The following USP45 variants were observed in gnomAD, a reference collection of about 807,000 sequenced individuals.
The protein encoded by USP45 is ubiquitin specific peptidase 45.
A neutral mutation model predicts 95.8 loss-of-function variants in USP45; 89 were observed. The ratio of observed to expected loss-of-function variants is 0.93; its 90% CI spans 0.78 to 1.11. USP45 has a LOEUF of 1.11. Ranked by LOEUF, USP45 falls within the 50% of genes least tolerant of loss-of-function variation. USP45 has a pLI of 0.00. For synonymous variants in USP45, 281 were observed against 316.2 expected (o/e 0.89, Z 1.18); for missense variants, 898 against 942.5 (o/e 0.95, Z 0.62).
At chr6:99,453,338 T>G (rs1270092573) in intron 13 of USP45, among the ~76,000 whole-genome samples, 2 of 151,786 alleles carry the variant, frequency 1.3e-5, no homozygotes, top group Admixed American at 6.6e-5. Context: ...AATCAACATA[T>G]GAAAATCAGT....
intron 8 of USP45, among the ~76,000 whole-genome samples, chr6:99,478,853 C>T (rs1273864491): frequency 6.6e-6 from 1 of 152,078 alleles, no homozygotes; most frequent in Non-Finnish European, 1.5e-5. Flanking sequence ...GTGATAATCA[C>T]CACTATAACA....
At chr6:99,512,286 C>T (rs1238409908) in intron 1 of USP45, among the ~76,000 whole-genome samples, 1 of 152,174 alleles carries the variant, frequency 6.6e-6, no homozygotes, top group Admixed American at 6.5e-5. Flanking sequence ...AAGTCTGGCA[C>T]AAGACCTGAG....
At chr6:99,456,132 CGGAAAAAAAA>C (rs1785022136) in intron 13 of USP45, among the ~76,000 whole-genome samples, 1 of 87,664 alleles carries the variant, frequency 1.1e-5, no homozygotes, top group Non-Finnish European at 2.2e-5. Context: ...GACTCTGTCT[CGGAAAAAAAA>C]AAAAAAAAAA....
At chr6:99,501,963 C>A (rs1199225848) in intron 5 of USP45, 1 of 1,302,892 alleles carries the variant, frequency 7.7e-7, no homozygotes. Context: ...CACTGTGGGC[C>A]CCTAGACAGT....
At chr6:99,468,461 T>A in intron 10 of USP45, 76 bp downstream of exon 10, 1 of 991,100 alleles carries the variant, frequency 1.0e-6, no homozygotes, top group Non-Finnish European at 1.5e-6. Context: ...TCACATAATG[T>A]TCAGTTCTTT....
intron 8 of USP45, among the ~76,000 whole-genome samples, chr6:99,477,177 G>A (rs1334128311): frequency 6.6e-6 from 1 of 152,208 alleles, no homozygotes; most frequent in Non-Finnish European, 1.5e-5. Context: ...AAACAGCACT[G>A]TTCAGGAATT....
At chr6:99,478,968 T>G (rs1402035551) in intron 8 of USP45, among the ~76,000 whole-genome samples, 1 of 151,734 alleles carries the variant, frequency 6.6e-6, no homozygotes, top group Admixed American at 6.6e-5. Context: ...TATGATTCCA[T>G]TTCTATAGAA....
chr6:99,508,837 C>T, intron 2 of USP45, 55 bp from the exon 3 acceptor site: 1 of 1,481,838 alleles, frequency 6.7e-7, no homozygotes, highest in Non-Finnish European at 9.0e-7. Context: ...AAAGTGCTAC[C>T]ATTACTGAGC....
intron 13 of USP45, among the ~76,000 whole-genome samples, chr6:99,449,158 C>T (rs1783246226): frequency 6.6e-6 from 1 of 152,126 alleles, no homozygotes; most frequent in Non-Finnish European, 1.5e-5. Flanking sequence ...GGATCAGATT[C>T]ACACATAACA....
chr6:99,490,839 G>A (rs1795013616), intron 5 of USP45, among the ~76,000 whole-genome samples: 1 of 152,114 alleles, frequency 6.6e-6, no homozygotes. Context: ...GGAAGTGCTG[G>A]GATTACAGGT....
intron 1 of USP45, chr6:99,514,891 A>C (rs1414040107): frequency 6.6e-6 from 1 of 152,208 alleles, no homozygotes; most frequent in Non-Finnish European, 1.5e-5. Flanking sequence ...CGCATTTTAC[A>C]CTTGAAACTG....
intron 3 of USP45, among the ~76,000 whole-genome samples, chr6:99,508,253 A>G (rs1798973420): frequency 6.6e-6 from 1 of 152,226 alleles, no homozygotes; most frequent in African/African-American, 2.4e-5. Context: ...TAAGATTTTA[A>G]ATTACTTTGC....
At chr6:99,507,335 C>T in intron 4 of USP45, 93 bp downstream of exon 4, 1 of 621,840 alleles carries the variant, frequency 1.6e-6, no homozygotes. Context: ...GCTGATAGAA[C>T]ATCTTTAAAT....
chr6:99,469,986 A>C (rs1788995895), intron 9 of USP45, among the ~76,000 whole-genome samples: 1 of 152,182 alleles, frequency 6.6e-6, no homozygotes, highest in South Asian at 2.1e-4. Flanking sequence ...AATAAGGAAA[A>C]AAAGAGCATA....
chr6:99,444,924 A>G (rs1782202174), intron 14 of USP45, among the ~76,000 whole-genome samples: 2 of 152,216 alleles, frequency 1.3e-5, no homozygotes, highest in South Asian at 4.1e-4. Context: ...TACCTGAATA[A>G]TAAAGCCTAC....
intron 7 of USP45, among the ~76,000 whole-genome samples, chr6:99,484,219 G>A (rs1292500726): frequency 1.3e-5 from 2 of 151,360 alleles, no homozygotes; most frequent in Non-Finnish European, 2.9e-5. Context: ...ACCCAGGCTG[G>A]AGTGCAGTGG....
Position 99,446,836 on chromosome 6 carries a change from C to T in USP45, c.1309-373G>A, listed in dbSNP as rs183864055. Among the ~76,000 whole-genome samples the T allele has an allele frequency of 3.0e-3, 453 of 152,252 alleles. 3 individuals carry two copies. Among genetic ancestry groups the T allele is most frequent in the African/African-American group, 0.011 (438 of 41,540 alleles). ...ACAGCTCACCGCAGCCTCAAACTCTCGGACTCAAGTGATCCTCCCACCTCA... is the reference window on the plus strand; with the variant it reads ...ACAGCTCACCGCAGCCTCAAACTCTTGGACTCAAGTGATCCTCCCACCTCA... On this transcript the variant is annotated intron_variant, in intron 13 of 17. Transcript: ENST00000500704.
intron 5 of USP45, among the ~76,000 whole-genome samples, chr6:99,497,318 A>ATTCTTCT (rs1206476294): frequency 2.0e-5 from 3 of 152,188 alleles, no homozygotes; most frequent in African/African-American, 7.2e-5. Context: ...AAATCTACAC[A>ATTCTTCT]GCTGTAAGCA....
At chr6:99,468,377 G>A (rs1360824461) in intron 10 of USP45, among the ~76,000 whole-genome samples, 160 bp downstream of exon 10, 1 of 151,982 alleles carries the variant, frequency 6.6e-6, no homozygotes, top group Non-Finnish European at 1.5e-5. Flanking sequence ...CATTTTCTAT[G>A]TTCCACTAAA....
Sources: gnomAD v4.1 joint callset for allele counts (sites outside exome capture counted in the v4.1 genomes callset) on GRCh38, gnomAD v4.1.1 for gene constraint, MANE v1.5 for transcripts, NCBI Gene and HGNC (gene_info 2026-07-23, HGNC 2026-07-21) for gene names.